Variants in SCML2 observed in about 807,000 individuals in gnomAD.
SCML2 encodes Scm polycomb group protein like 2, also known as sex comb on midleg-like protein 2.
Under a neutral mutation model 48.4 loss-of-function variants are expected in SCML2, and 6 were observed. The ratio of observed to expected loss-of-function variants is 0.12; its 90% CI spans 0.07 to 0.24. The LOEUF is 0.24. Ranked by LOEUF, SCML2 falls within the 10% of genes least tolerant of loss-of-function variation. The pLI is 1.00. For synonymous variants in SCML2, 181 were observed against 189.5 expected (o/e 0.95, Z 0.37); for missense variants, 377 against 528.2 (o/e 0.71, Z 2.81).
intron 8 of SCML2, among the ~76,000 whole-genome samples, chrX:18,263,248 T>C (rs1366749410): frequency 9.0e-6 from 1 of 111,184 alleles, no homozygotes; most frequent in Non-Finnish European, 1.9e-5. Context: ...TGGTGAAATC[T>C]TGCAATGATA....
intron 6 of SCML2, among the ~76,000 whole-genome samples, chrX:18,319,359 A>G (rs1029644627): frequency 9.2e-6 from 1 of 108,632 alleles, no homozygotes; most frequent in East Asian, 2.8e-4. Context: ...TGGGTGACAG[A>G]GCAAAACTCA....
intron 6 of SCML2, among the ~76,000 whole-genome samples, chrX:18,310,479 C>T (rs1037935024): frequency 3.6e-5 from 4 of 109,641 alleles, no homozygotes; most frequent in Admixed American, 9.7e-5. Context: ...TTGGCCAGGC[C>T]GGTCTCGAAC....
At chrX:18,354,452 C>T in intron 1 of SCML2, 140 bp downstream of exon 1, 1 of 227,268 alleles carries the variant, frequency 4.4e-6, no homozygotes, top group Non-Finnish European at 8.0e-6. Flanking sequence ...TGAGATGGGA[C>T]ATAGGCGGGA....
At chrX:18,295,906 C>T (rs1928381821) in intron 7 of SCML2, among the ~76,000 whole-genome samples, 1 of 112,053 alleles carries the variant, frequency 8.9e-6, no homozygotes, top group Non-Finnish European at 1.9e-5. Flanking sequence ...ACTTCATGCA[C>T]TCAGAATCAA....
intron 7 of SCML2, among the ~76,000 whole-genome samples, chrX:18,287,674 A>C (rs1414218126): frequency 8.9e-6 from 1 of 111,970 alleles, no homozygotes; most frequent in Non-Finnish European, 1.9e-5. Context: ...AAATAAGAAA[A>C]TCTAATTTAG....
chrX:18,317,595 G>A (rs1463300143), intron 6 of SCML2, among the ~76,000 whole-genome samples: 2 of 111,560 alleles, frequency 1.8e-5, no homozygotes, highest in Admixed American at 9.5e-5. Context: ...CACTTTGGGA[G>A]GCCGAGGCGG....
chrX:18,348,229 T>C (rs1930264626), intron 1 of SCML2, among the ~76,000 whole-genome samples: 1 of 111,978 alleles, frequency 8.9e-6, no homozygotes, highest in Non-Finnish European at 1.9e-5. Context: ...GCAGGGCATG[T>C]CAATATACTA....
rs1478381870 is a variant in SCML2 at position 18,242,477 on chromosome X, G to A, written c.1936C>T (p.Gln646Ter). The change falls in exon 14 of 15, where the codon CAG (glutamine) becomes TAG (stop). Residue 646 changes from glutamine to a stop codon, truncating the protein, a stop_gained. Transcript: ENST00000251900. LOFTEE classifies it high-confidence loss of function. ...VIQFMKHTDP[Q>*]ISGPLADLFR... ...AGGTCGGCGAGGGGGCCTGATATCT[G>A]AGGATCTGTATGTTTCATAAACTGT... 1 of 1,201,272 alleles carries A rather than the reference G, an allele frequency of 8.3e-7. No individual in the cohort carries two copies. Among genetic ancestry groups the A allele is most frequent in the East Asian group, 3.0e-5 (1 of 33,437 alleles).
chrX:18,265,576 A>G lies in SCML2; in HGVS notation c.948+9T>C. 8.4e-7 allele frequency: 1 copy of G among 1,189,557 alleles called. No homozygotes were observed. Among genetic ancestry groups the G allele is most frequent in the Non-Finnish European group, 1.1e-6 (1 of 877,031 alleles). Reference sequence around the variant, plus strand: ...CCTATAATACAAATTAGGAGGACATACAACTAACCTTTTTTCCTGAGTTTG... The same window carrying G: ...CCTATAATACAAATTAGGAGGACATGCAACTAACCTTTTTTCCTGAGTTTG... On this transcript the variant is annotated intron_variant, in intron 8 of 14. Coordinates refer to ENST00000251900, the MANE Select transcript of SCML2 (RefSeq NM_006089.3).
At chrX:18,258,685 T>G (rs1392369004) in intron 9 of SCML2, among the ~76,000 whole-genome samples, 2 of 110,979 alleles carry the variant, frequency 1.8e-5, no homozygotes, top group African/African-American at 6.5e-5. Context: ...TTATTTTAAA[T>G]CACCAATACT....
At chrX:18,276,505 T>C (rs1395125030) in intron 7 of SCML2, among the ~76,000 whole-genome samples, 2 of 110,770 alleles carry the variant, frequency 1.8e-5, no homozygotes, top group East Asian at 5.8e-4. Context: ...TACGTATACA[T>C]ACATTGACAT....
At chrX:18,303,230 C>T (rs1684476230) in intron 7 of SCML2, among the ~76,000 whole-genome samples, 1 of 111,417 alleles carries the variant, frequency 9.0e-6, no homozygotes, top group South Asian at 3.9e-4. Context: ...AGGACTTAGT[C>T]TCGTGGCCAT....
chrX:18,345,821 T>C (rs1308528169), intron 1 of SCML2, among the ~76,000 whole-genome samples: 2 of 110,168 alleles, frequency 1.8e-5, no homozygotes, highest in Non-Finnish European at 3.8e-5. Flanking sequence ...CCTTAAGTGA[T>C]TGTCCTGCCT....
At chrX:18,299,041 A>C (rs935579348) in intron 7 of SCML2, among the ~76,000 whole-genome samples, 1 of 111,430 alleles carries the variant, frequency 9.0e-6, no homozygotes, top group African/African-American at 3.3e-5. Context: ...ACAAAAACAG[A>C]CAAGTGGGAC....
At chrX:18,249,869 A>G (rs955359647) in intron 11 of SCML2, among the ~76,000 whole-genome samples, 2 of 111,028 alleles carry the variant, frequency 1.8e-5, no homozygotes, top group African/African-American at 6.6e-5. Flanking sequence ...TCCCTTGGCC[A>G]AGGCTGGGAG....
intron 7 of SCML2, among the ~76,000 whole-genome samples, chrX:18,283,389 A>G (rs1185105395): frequency 8.9e-6 from 1 of 112,157 alleles, no homozygotes; most frequent in African/African-American, 3.2e-5. Flanking sequence ...GAACTGGAAC[A>G]AGTCAAGGAT....
chrX:18,348,355 G>A (rs1432934987), intron 1 of SCML2, among the ~76,000 whole-genome samples: 1 of 111,815 alleles, frequency 8.9e-6, no homozygotes, highest in Non-Finnish European at 1.9e-5. Flanking sequence ...AAGAAATAAT[G>A]GAAATGATGA....
intron 7 of SCML2, among the ~76,000 whole-genome samples, chrX:18,299,387 A>G (rs905395995): frequency 7.2e-5 from 8 of 110,619 alleles, no homozygotes; most frequent in Non-Finnish European, 1.3e-4. Context: ...GCATAGTGGC[A>G]CACGCCTGTA....
chrX:18,262,239 A>T (rs951367760), intron 8 of SCML2, among the ~76,000 whole-genome samples: 1 of 107,349 alleles, frequency 9.3e-6, no homozygotes, highest in Non-Finnish European at 1.9e-5. Flanking sequence ...TTGGGTCTTT[A>T]AAAAAAAATC....
Sources: gnomAD v4.1 joint callset for allele counts (sites outside exome capture counted in the v4.1 genomes callset) on GRCh38, gnomAD v4.1.1 for gene constraint, MANE v1.5 for transcripts, NCBI Gene and HGNC (gene_info 2026-07-23, HGNC 2026-07-21) for gene names.